The following LDB2 variants were observed in gnomAD, a reference collection of about 807,000 sequenced individuals.
The protein encoded by LDB2 is LIM domain-binding protein 2.
LDB2 carries 12 observed loss-of-function variants against 44.3 expected under a neutral mutation model. The ratio of observed to expected loss-of-function variants is 0.27; its 90% CI spans 0.17 to 0.44. The LOEUF is 0.44. LDB2 is among the 20% of genes least tolerant of loss of function. The probability of loss-of-function intolerance (pLI) is 1.00; values close to 1 mark genes in which losing one functional copy is unlikely to be tolerated. For missense variants in LDB2, 344 were observed against 473.5 expected (o/e 0.73, Z 2.54); for synonymous variants, 164 against 174.8 (o/e 0.94, Z 0.49).
At chr4:16,779,137 G>A (rs1229266338) in intron 1 of LDB2, among the ~76,000 whole-genome samples, 1 of 152,202 alleles carries the variant, frequency 6.6e-6, no homozygotes, top group East Asian at 1.9e-4. Context: ...CACTGAGCTG[G>A]AGGGGAGCCT....
At chr4:16,528,319 A>C (rs1728952940) in intron 5 of LDB2, among the ~76,000 whole-genome samples, 1 of 152,236 alleles carries the variant, frequency 6.6e-6, no homozygotes, top group Non-Finnish European at 1.5e-5. Flanking sequence ...AATTTTACTC[A>C]TGTAACCAAA....
At chr4:16,667,192 C>T in intron 2 of LDB2, among the ~76,000 whole-genome samples, 1 of 152,138 alleles carries the variant, frequency 6.6e-6, no homozygotes, top group Non-Finnish European at 1.5e-5. Flanking sequence ...TGACGGTTCT[C>T]AAAAGATCTT....
chr4:16,639,442 G>A (rs557020830), intron 2 of LDB2, among the ~76,000 whole-genome samples: 34 of 152,210 alleles, frequency 2.2e-4, no homozygotes, highest in Non-Finnish European at 3.2e-4. Context: ...AGAAAACAGG[G>A]GAATCTGAAA....
At chr4:16,656,459 C>A (rs1415778660) in intron 2 of LDB2, among the ~76,000 whole-genome samples, 1 of 152,168 alleles carries the variant, frequency 6.6e-6, no homozygotes, top group Non-Finnish European at 1.5e-5. Context: ...ACCAGCCACA[C>A]GTGGTCATGA....
intron 1 of LDB2, among the ~76,000 whole-genome samples, chr4:16,834,545 A>C (rs759688820): frequency 2.6e-5 from 4 of 152,010 alleles, no homozygotes; most frequent in Non-Finnish European, 5.9e-5. Flanking sequence ...GGTAGGAGTC[A>C]AGGCCAGGCA....
chr4:16,543,778 T>C (rs931989059), intron 5 of LDB2, among the ~76,000 whole-genome samples: 2 of 152,108 alleles, frequency 1.3e-5, no homozygotes, highest in African/African-American at 2.4e-5. Context: ...ATAATTAAAC[T>C]AAAGAGCTTC....
chr4:16,590,868 T>C (rs1162543246), intron 3 of LDB2, among the ~76,000 whole-genome samples: 2 of 152,080 alleles, frequency 1.3e-5, no homozygotes, highest in Non-Finnish European at 2.9e-5. Flanking sequence ...AGACTTCAGT[T>C]CCCCCAAACC....
intron 2 of LDB2, among the ~76,000 whole-genome samples, chr4:16,719,122 G>A (rs1757684592): frequency 6.6e-6 from 1 of 151,726 alleles, no homozygotes; most frequent in Non-Finnish European, 1.5e-5. Context: ...TGGACAAACT[G>A]CTGTTAAACA....
At chr4:16,821,766 A>AAAAAAAAAAAAAC (rs1782110613) in intron 1 of LDB2, among the ~76,000 whole-genome samples, 1 of 150,398 alleles carries the variant, frequency 6.6e-6, no homozygotes, top group Non-Finnish European at 1.5e-5. Flanking sequence ...AAAAAAAAAA[A>AAAAAAAAAAAAAC]AAAATCAGGA....
chr4:16,592,505 T>TATATATATATATATACAC (rs757702164), intron 3 of LDB2, among the ~76,000 whole-genome samples: 2 of 108,056 alleles, frequency 1.9e-5, no homozygotes, highest in African/African-American at 7.6e-5. Flanking sequence ...TATATATATA[T>TATATATATATATATACAC]ACACACACAC....
At chr4:16,632,485 G>T (rs1313303712) in intron 2 of LDB2, among the ~76,000 whole-genome samples, 6 of 152,162 alleles carry the variant, frequency 3.9e-5, no homozygotes, top group Admixed American at 3.9e-4. Context: ...ATACTGAATG[G>T]GCCAAAACTG....
At chr4:16,746,096 G>A (rs776436518) in intron 2 of LDB2, among the ~76,000 whole-genome samples, 9 of 152,108 alleles carry the variant, frequency 5.9e-5, no homozygotes, top group Non-Finnish European at 1.2e-4. Context: ...AGCAAATATT[G>A]ACCATGGGCC....
chr4:16,740,192 C>T (rs1281270168), intron 2 of LDB2, among the ~76,000 whole-genome samples: 1 of 152,166 alleles, frequency 6.6e-6, no homozygotes, highest in Non-Finnish European at 1.5e-5. Flanking sequence ...GTCTTTTTAG[C>T]ACTAAACTGT....
chr4:16,561,395 A>G (rs554504728), intron 5 of LDB2, among the ~76,000 whole-genome samples: 1 of 152,346 alleles, frequency 6.6e-6, no homozygotes, highest in Admixed American at 6.5e-5. Flanking sequence ...TCAATGTACA[A>G]AAATCACAAG....
chr4:16,876,714 T>C (rs987431716), intron 1 of LDB2, among the ~76,000 whole-genome samples: 1 of 152,048 alleles, frequency 6.6e-6, no homozygotes, highest in African/African-American at 2.4e-5. Context: ...CACAAATCTC[T>C]AGGTACATTA....
intron 2 of LDB2, among the ~76,000 whole-genome samples, chr4:16,714,472 C>T (rs776465531): frequency 2.6e-4 from 40 of 152,186 alleles, no homozygotes; most frequent in Middle Eastern, 6.8e-3. Flanking sequence ...CTCTGTGTAG[C>T]TTTGGGCAAG....
At chr4:16,804,969 G>A (rs1561287434) in intron 1 of LDB2, among the ~76,000 whole-genome samples, 1 of 152,040 alleles carries the variant, frequency 6.6e-6, no homozygotes. Flanking sequence ...TCCAGTGAGG[G>A]CTCTCTTCCT....
chr4:16,523,968 TAGACTATA>T (rs891247870), intron 5 of LDB2, among the ~76,000 whole-genome samples: 14 of 152,196 alleles, frequency 9.2e-5, no homozygotes, highest in Non-Finnish European at 1.5e-5. Context: ...TGCTCCCCAC[TAGACTATA>T]AACAATTAGA....
rs141301275 is a variant in LDB2 at position 16,557,882 on chromosome 4, G to A, written c.615+28040C>T. Reference sequence around the variant, plus strand: ...TCTGAGACAAAACTTCCAGAGGAACGATCAGACAGCAGCATTCGTGGCGCA... The same window carrying A: ...TCTGAGACAAAACTTCCAGAGGAACAATCAGACAGCAGCATTCGTGGCGCA... On this transcript the variant is annotated intron_variant, in intron 5 of 7. Coordinates refer to ENST00000304523, the MANE Select transcript of LDB2 (RefSeq NM_001290.5). 9.8e-3 allele frequency among the ~76,000 whole-genome samples: 1,486 copies of A among 152,306 alleles called. 24 individuals are homozygous for A. Among genetic ancestry groups the A allele is most frequent in the African/African-American group, 0.034 (1,401 of 41,556 alleles).
Sources: gnomAD v4.1 joint callset for allele counts (sites outside exome capture counted in the v4.1 genomes callset) on GRCh38, gnomAD v4.1.1 for gene constraint, MANE v1.5 for transcripts, NCBI Gene and HGNC (gene_info 2026-07-23, HGNC 2026-07-21) for gene names.